GLIS3: variants seen among roughly 807,000 people sequenced by gnomAD.
The protein encoded by GLIS3 is GLIS family zinc finger 3, also known as zinc finger protein GLIS3.
In GLIS3, 53 loss-of-function variants were observed where a neutral mutation model predicts 78.6. The ratio of observed to expected loss-of-function variants is 0.67; its 90% CI spans 0.54 to 0.85. The LOEUF is 0.85. GLIS3 is among the 40% of genes least tolerant of loss of function. The pLI, the probability that GLIS3 is intolerant of heterozygous loss-of-function variation, is 0.00. For missense variants in GLIS3, 1,703 were observed against 1,231.1 expected (o/e 1.38, Z -5.74); for synonymous variants, 684 against 509.9 (o/e 1.34, Z -4.60).
chr9:3,930,412 GTTAAAGGGTGTCTGCAAA>G (rs1825539645), intron 6 of GLIS3, among the ~76,000 whole-genome samples: 1 of 152,148 alleles, frequency 6.6e-6, no homozygotes, highest in Non-Finnish European at 1.5e-5. Flanking sequence ...TAGGTTGTTT[GTTAAAGGGTGTCTGCAAA>G]TTGTCAATAA....
intron 2 of GLIS3, among the ~76,000 whole-genome samples, chr9:4,272,351 A>C (rs1826588375): frequency 1.3e-5 from 2 of 152,160 alleles, no homozygotes; most frequent in South Asian, 4.1e-4. Context: ...TCTTTCAGGA[A>C]ATCACTCCCA....
intron 2 of GLIS3, among the ~76,000 whole-genome samples, chr9:4,186,480 G>A (rs566670916): frequency 2.0e-5 from 3 of 151,968 alleles, no homozygotes; most frequent in African/African-American, 7.2e-5. Context: ...TGTCTTTATA[G>A]CAGCATGATT....
the GLIS3 span, among the ~76,000 whole-genome samples, chr9:4,446,287 C>G: frequency 1.3e-5 from 2 of 152,102 alleles, no homozygotes; most frequent in Admixed American, 6.5e-5. Flanking sequence ...AGGGGGTACC[C>G]TTGACTGCTT....
At chr9:3,938,563 A>G (rs545935567) in intron 4 of GLIS3, among the ~76,000 whole-genome samples, 2 of 152,328 alleles carry the variant, frequency 1.3e-5, no homozygotes, top group East Asian at 3.9e-4. Flanking sequence ...TCATCACTCC[A>G]TCTATTTAAG....
intron 2 of GLIS3, among the ~76,000 whole-genome samples, chr9:4,203,060 A>T (rs1819550492): frequency 6.6e-6 from 1 of 152,354 alleles, no homozygotes; most frequent in Middle Eastern, 3.4e-3. Context: ...AATATTAGCA[A>T]ACTATGTCTA....
chr9:3,955,947 C>T (rs1227704164), intron 4 of GLIS3, among the ~76,000 whole-genome samples: 3 of 143,836 alleles, frequency 2.1e-5, no homozygotes, highest in Non-Finnish European at 3.0e-5. Context: ...GTAGTATATA[C>T]GTACAAGTGA....
At chr9:3,946,368 G>C (rs1414429918) in intron 4 of GLIS3, among the ~76,000 whole-genome samples, 1 of 152,192 alleles carries the variant, frequency 6.6e-6, no homozygotes, top group Non-Finnish European at 1.5e-5. Context: ...CTCCTTGTAA[G>C]AATGCATATT....
intron 4 of GLIS3, among the ~76,000 whole-genome samples, chr9:4,087,914 T>C (rs1321081039): frequency 6.6e-6 from 1 of 152,188 alleles, no homozygotes; most frequent in African/African-American, 2.4e-5. Flanking sequence ...TCACTTCTAT[T>C]GTCCATCTCG....
intron 2 of GLIS3, among the ~76,000 whole-genome samples, chr9:4,145,570 C>G (rs1400752820): frequency 6.6e-6 from 1 of 152,262 alleles, no homozygotes; most frequent in East Asian, 1.9e-4. Flanking sequence ...TAATAACATT[C>G]AAAAAGCCCA....
At chr9:3,879,696 GT>G (rs1195207470) in intron 7 of GLIS3, 101 bp from the exon 8 acceptor site, 1 of 1,241,476 alleles carries the variant, frequency 8.1e-7, no homozygotes, top group African/African-American at 1.5e-5. Context: ...GGGCTTGCTT[GT>G]TTTTCTCTCA....
chr9:4,385,810 AAAAG>A, the GLIS3 span, among the ~76,000 whole-genome samples: 17 of 41,534 alleles, frequency 4.1e-4, 5 homozygotes, highest in African/African-American at 1.7e-3. Context: ...AGAAAGAAAG[AAAAG>A]AAAGAAAGAG....
At chr9:3,934,462 T>C (rs1588262358) in intron 5 of GLIS3, among the ~76,000 whole-genome samples, 1 of 150,230 alleles carries the variant, frequency 6.7e-6, no homozygotes, top group African/African-American at 2.4e-5. Context: ...CAGGCTGGAG[T>C]GCAATGGCAC....
chr9:4,418,461 G>C, the GLIS3 span, among the ~76,000 whole-genome samples: 283 of 152,332 alleles, frequency 1.9e-3, no homozygotes, highest in Middle Eastern at 3.4e-3. Context: ...AATTTGCAAA[G>C]ACTAGAACAG....
intron 4 of GLIS3, among the ~76,000 whole-genome samples, chr9:4,017,803 C>T (rs192278806): frequency 4.9e-4 from 74 of 152,254 alleles, no homozygotes; most frequent in African/African-American, 1.7e-3. Flanking sequence ...TATTGAAGGA[C>T]GGGCACTAAG....
intron 2 of GLIS3, among the ~76,000 whole-genome samples, chr9:4,173,027 C>T (rs1463956964): frequency 6.6e-6 from 1 of 152,152 alleles, no homozygotes; most frequent in African/African-American, 2.4e-5. Context: ...ATTTTTTTAA[C>T]ACTATGTGGA....
chr9:4,343,275 G>A (rs1189788067), intron 2 of GLIS3, among the ~76,000 whole-genome samples: 2 of 152,188 alleles, frequency 1.3e-5, no homozygotes, highest in African/African-American at 2.4e-5. Flanking sequence ...CCAGGAGTTC[G>A]AGGCTTCAGT....
At chr9:3,832,810 A>T (rs554651583) in intron 9 of GLIS3, among the ~76,000 whole-genome samples, 1 of 152,206 alleles carries the variant, frequency 6.6e-6, no homozygotes, top group East Asian at 1.9e-4. Flanking sequence ...AGCACTCCTC[A>T]GCGTAATATC....
At chr9:4,373,029 A>G in the GLIS3 span, among the ~76,000 whole-genome samples, 2 of 152,226 alleles carry the variant, frequency 1.3e-5, no homozygotes, top group Non-Finnish European at 1.5e-5. Context: ...ACCATAAAGA[A>G]AAACACAAGT....
chr9:4,361,224 C>G, the GLIS3 span, among the ~76,000 whole-genome samples: 40 of 152,304 alleles, frequency 2.6e-4, no homozygotes, highest in African/African-American at 9.6e-4. Context: ...TCTAGGCAGT[C>G]TTAATGTAAT....
Sources: allele counts gnomAD v4.1 joint callset (sites outside exome capture counted in the v4.1 genomes callset), GRCh38; gene constraint gnomAD v4.1.1; transcripts MANE v1.5; gene names NCBI Gene and HGNC (gene_info 2026-07-23, HGNC 2026-07-21).